The following THSD7B variants were observed in gnomAD, a reference collection of about 807,000 sequenced individuals.
The protein encoded by THSD7B is thrombospondin type 1 domain containing 7B.
THSD7B carries 138 observed loss-of-function variants against 213.6 expected under a neutral mutation model. That is an observed-to-expected ratio of 0.65 (90% CI 0.56 to 0.74). The LOEUF is 0.74. Among genes scored for constraint, THSD7B ranks in the 30% least tolerant of loss-of-function variants. THSD7B has a pLI of 0.00. For missense variants in THSD7B, 1,931 were observed against 1,991.5 expected (o/e 0.97, Z 0.58); for synonymous variants, 742 against 687.0 (o/e 1.08, Z -1.25).
intron 2 of THSD7B, among the ~76,000 whole-genome samples, chr2:136,938,858 G>A (rs1684774212): frequency 6.6e-6 from 1 of 152,130 alleles, no homozygotes; most frequent in Admixed American, 6.6e-5. Flanking sequence ...TGTCACAGAG[G>A]TGACTGCCAA....
intron 12 of THSD7B, among the ~76,000 whole-genome samples, chr2:137,322,514 A>T (rs532264952): frequency 3.9e-4 from 59 of 152,322 alleles, no homozygotes; most frequent in African/African-American, 1.4e-3. Flanking sequence ...CATTTTATAT[A>T]TAACGAGACT....
At chr2:136,960,861 G>A (rs1685204442) in intron 2 of THSD7B, among the ~76,000 whole-genome samples, 1 of 151,654 alleles carries the variant, frequency 6.6e-6, no homozygotes. Flanking sequence ...AGGCCGAGGT[G>A]GGCGGATCGC....
chr2:137,118,136 T>C (rs536344018), intron 5 of THSD7B, among the ~76,000 whole-genome samples: 1 of 152,338 alleles, frequency 6.6e-6, no homozygotes, highest in South Asian at 2.1e-4. Flanking sequence ...CTATTTATGA[T>C]TTTGCTTAAC....
intron 7 of THSD7B, among the ~76,000 whole-genome samples, chr2:137,219,060 A>G (rs962379954): frequency 1.3e-5 from 2 of 152,114 alleles, no homozygotes; most frequent in African/African-American, 4.8e-5. Context: ...TGAGAAAAAT[A>G]TACAGCATGA....
At position 136,945,228 on chromosome 2, in the gene THSD7B, A is replaced by G. The variant is rs1684915174; in HGVS notation, c.139+62911A>G. On this transcript the variant is annotated intron_variant, in intron 2 of 27. Transcript: ENST00000409968. ...GTTGAATATTGGCCCCAACTCTCTT[A>G]TGTAGAGTTTCTGAGACCCTTTCTT... Among the ~76,000 whole-genome samples the G allele has an allele frequency of 2.6e-5, 4 of 151,700 alleles. No homozygotes were observed. The South Asian group carries it at 6.2e-4, about 24-fold the overall frequency.
At chr2:137,237,571 T>C (rs925606128) in intron 9 of THSD7B, among the ~76,000 whole-genome samples, 1 of 152,232 alleles carries the variant, frequency 6.6e-6, no homozygotes, top group African/African-American at 2.4e-5. Flanking sequence ...ATGTACAGCA[T>C]GTGCGTGTAT....
chr2:137,487,523 A>C (rs1236110300), intron 15 of THSD7B, among the ~76,000 whole-genome samples: 1 of 151,640 alleles, frequency 6.6e-6, no homozygotes, highest in Non-Finnish European at 1.5e-5. Context: ...TGAATCCAGG[A>C]GCTGGTTTTT....
At chr2:137,016,446 T>C (rs761521407) in intron 2 of THSD7B, among the ~76,000 whole-genome samples, 1 of 152,170 alleles carries the variant, frequency 6.6e-6, no homozygotes, top group Admixed American at 6.5e-5. Context: ...TGAATGGTGG[T>C]GTATATATTC....
chr2:137,528,946 A>C (rs1680330234), intron 15 of THSD7B, among the ~76,000 whole-genome samples: 1 of 151,980 alleles, frequency 6.6e-6, no homozygotes, highest in Admixed American at 6.6e-5. Flanking sequence ...GCCACACCAA[A>C]AGTTCTTGGC....
intron 17 of THSD7B, among the ~76,000 whole-genome samples, chr2:137,575,848 ATG>A (rs1196334837): frequency 3.3e-5 from 5 of 151,966 alleles, no homozygotes; most frequent in African/African-American, 4.8e-5. Context: ...CTTTAAAAGT[ATG>A]TGTGTGTATA....
At chr2:137,368,570 T>A (rs989987645) in intron 12 of THSD7B, among the ~76,000 whole-genome samples, 3 of 152,162 alleles carry the variant, frequency 2.0e-5, no homozygotes, top group Admixed American at 6.6e-5. Flanking sequence ...TGATACTATA[T>A]TCCAGTATCT....
intron 11 of THSD7B, among the ~76,000 whole-genome samples, chr2:137,273,687 A>C (rs1250718144): frequency 6.6e-6 from 1 of 152,124 alleles, no homozygotes; most frequent in Non-Finnish European, 1.5e-5. Flanking sequence ...TGATTTTATC[A>C]TCCTTTACTT....
intron 1 of THSD7B, among the ~76,000 whole-genome samples, chr2:136,819,558 C>T (rs919006811): frequency 1.3e-5 from 2 of 152,106 alleles, no homozygotes; most frequent in African/African-American, 2.4e-5. Flanking sequence ...GGGGAAAAGG[C>T]ACTCACTCTC....
intron 20 of THSD7B, among the ~76,000 whole-genome samples, chr2:137,631,454 T>G (rs1189853867): frequency 4.6e-5 from 7 of 152,192 alleles, no homozygotes; most frequent in Admixed American, 2.0e-4. Flanking sequence ...TATAATATTT[T>G]TATATCATAT....
chr2:137,095,673 G>T (rs1173826629), intron 4 of THSD7B, among the ~76,000 whole-genome samples: 1 of 152,072 alleles, frequency 6.6e-6, no homozygotes, highest in African/African-American at 2.4e-5. Context: ...TTCGAGAAAG[G>T]ATTTAACATA....
intron 1 of THSD7B, among the ~76,000 whole-genome samples, chr2:136,784,173 T>C (rs1681796487): frequency 6.6e-6 from 1 of 152,242 alleles, no homozygotes; most frequent in Non-Finnish European, 1.5e-5. Context: ...CTTATTTTTC[T>C]TGCAGTTTGT....
chr2:137,583,806 C>A (rs903765002), intron 17 of THSD7B, among the ~76,000 whole-genome samples: 4 of 152,006 alleles, frequency 2.6e-5, no homozygotes, highest in Non-Finnish European at 5.9e-5. Context: ...GGCTTAGATT[C>A]TCTTGGCAAT....
Position 137,605,648 on chromosome 2 carries a change from C to CTTTTTTT in THSD7B, c.3424-10494_3424-10488dup, listed in dbSNP as rs34604281. The stretch of plus-strand genomic sequence containing the variant: ...AAAAAGCATATATTGGCACTTCGCA[C>CTTTTTTT]TTTTTTTTTTTTTTTTTTTTTTTTT... On this transcript the variant is annotated intron_variant, in intron 17 of 27. Coordinates refer to ENST00000409968, the MANE Select transcript of THSD7B (RefSeq NM_001316349.2). Among the ~76,000 whole-genome samples, 102 of 69,010 alleles carry CTTTTTTT rather than the reference C, an allele frequency of 1.5e-3. 21 individuals carry two copies. The highest frequency in any genetic ancestry group is 1.8e-3 in the African/African-American group (31 of 17,590). 45.3% of individuals were successfully genotyped at this position (69,010 alleles called of 152,430 possible).
intron 6 of THSD7B, among the ~76,000 whole-genome samples, chr2:137,168,682 T>C (rs1254256112): frequency 6.6e-6 from 1 of 152,206 alleles, no homozygotes; most frequent in Non-Finnish European, 1.5e-5. Context: ...ACTTCTAAGT[T>C]TCTGTGCTCA....
Sources: gnomAD v4.1 joint callset for allele counts (sites outside exome capture counted in the v4.1 genomes callset) on GRCh38, gnomAD v4.1.1 for gene constraint, MANE v1.5 for transcripts, NCBI Gene and HGNC (gene_info 2026-07-23, HGNC 2026-07-21) for gene names.